Variants in TMEM94 observed in about 807,000 individuals in gnomAD.
TMEM94 encodes the protein transmembrane protein 94.
TMEM94 carries 81 observed loss-of-function variants against 158.6 expected under a neutral mutation model. The observed-to-expected ratio is 0.51, with a 90% CI of 0.43 to 0.61. TMEM94 has a LOEUF of 0.61. Among genes scored for constraint, TMEM94 ranks in the 20% least tolerant of loss-of-function variants. TMEM94 has a pLI of 0.00. For synonymous variants in TMEM94, 751 were observed against 730.7 expected, an observed-to-expected ratio of 1.03 and a Z score of -0.45; for missense variants, 1,435 against 1,762.0, an observed-to-expected ratio of 0.81 and a Z score of 3.32.
chr17:75,495,687 G>A lies in TMEM94; in HGVS notation c.2944+44G>A, dbSNP rs78773582. 40,402 of 1,582,022 alleles carry A rather than the reference G, an allele frequency of 0.026. 614 individuals carry two copies. Among genetic ancestry groups the A allele is most frequent in the Non-Finnish European group, 0.031 (35,766 of 1,153,014 alleles). Reference sequence around the variant, plus strand: ...GGTACTTGGGCAACCTGGTCCCGTCGGCTGAGCTCTGCCTGGGCCTGCGTA... The same window carrying A: ...GGTACTTGGGCAACCTGGTCCCGTCAGCTGAGCTCTGCCTGGGCCTGCGTA... On this transcript the variant is annotated intron_variant, in intron 22 of 31. Transcript: ENST00000314256. The surrounding 1 kb of genome is among the most constrained non-coding windows in gnomAD (Gnocchi z 5.6).
At chr17:75,494,153 C>G (rs1198942289) in intron 18 of TMEM94, among the ~76,000 whole-genome samples, 5 of 152,182 alleles carry the variant, frequency 3.3e-5, no homozygotes, top group Admixed American at 6.5e-5. Flanking sequence ...GGTTGTGATG[C>G]TCAAGTGGGT....
chr17:75,495,488 G>T lies in TMEM94; in HGVS notation c.2845-56G>T. On this transcript the variant is annotated intron_variant, in intron 21 of 31. Coordinates refer to ENST00000314256, the MANE Select transcript of TMEM94 (RefSeq NM_014738.6). The surrounding 1 kb of genome is among the most constrained non-coding windows in gnomAD (Gnocchi z 5.6). ...GTAGAGAGGTGGTGGGCAGGCGGTG[G>T]AGGGGAGGGATGCTGATCCCCATCC... The T allele has an allele frequency of 6.3e-7, 1 of 1,597,584 alleles. No homozygotes were observed. The highest frequency in any genetic ancestry group is 1.1e-5 in the South Asian group (1 of 90,506).
In TMEM94 at chr17:75,491,178, A is replaced by G. The variant is rs779942060; in HGVS notation, c.1233+25A>G. ...GGTGAGGGTGGGCCTTGCGGGGAGG[A>G]GGCAACTGTCATGCCCGCCCTGCTC... On this transcript the variant is annotated intron_variant, in intron 12 of 31. Transcript: ENST00000314256. This position sits in a 1 kb window ranked among gnomAD's most constrained non-coding sequence, Gnocchi z 5.1. The G allele has an allele frequency of 6.3e-7, 1 of 1,596,708 alleles. No homozygotes were observed. The highest frequency in any genetic ancestry group is 8.6e-7 in the Non-Finnish European group (1 of 1,169,158).
At chr17:75,474,833 C>T (rs111869855) in intron 2 of TMEM94, among the ~76,000 whole-genome samples, 3,289 of 152,190 alleles carry the variant, frequency 0.022, 122 homozygotes, top group African/African-American at 0.069. Context: ...TCCTTCAAAG[C>T]CCTCACCCCT....
In TMEM94 at chr17:75,493,100, C is replaced by G. The variant is rs1172364098; in HGVS notation, c.2084C>G (p.Thr695Ser). Residue 695 changes from threonine (T) to serine (S), a missense_variant and splice_region_variant, in exon 16 of 32, where the codon ACC becomes AGC. This residue lies in a region of TMEM94 where 1,051 missense variants were observed against 1,254.4 expected (regional missense o/e 0.84). Coordinates refer to ENST00000314256, the MANE Select transcript of TMEM94 (RefSeq NM_014738.6). ...AGCCTCTTCATTAAAGACACCACCA[C>G]CAGTGAGCCCTGGCTACGTTGGCCA... ...MISLFIKDTT[T>S]STEQMLSHGT... 1 of 1,612,714 alleles carries G rather than the reference C, an allele frequency of 6.2e-7. No homozygotes were observed. The highest frequency in any genetic ancestry group is 8.5e-7 in the Non-Finnish European group (1 of 1,179,710).
At chr17:75,464,235 C>G (rs904167728) in intron 1 of TMEM94, among the ~76,000 whole-genome samples, 1 of 152,144 alleles carries the variant, frequency 6.6e-6, no homozygotes, top group Admixed American at 6.6e-5. Flanking sequence ...TCTAACTCTT[C>G]TGCCTATAAT....
rs1285999654 is a variant in TMEM94, at chr17:75,498,657, C to T, written c.3762C>T (p.Arg1254=). The T allele has an allele frequency of 6.2e-7, 1 of 1,603,660 alleles. No individual in the cohort carries two copies. The highest frequency in any genetic ancestry group is 1.3e-5 in the African/African-American group (1 of 74,676). Residue 1254 remains arginine (R), a synonymous_variant, in exon 30 of 32, where the codon CGC becomes CGT. Transcript: ENST00000314256. The surrounding 1 kb of genome is among the most constrained non-coding windows in gnomAD (Gnocchi z 6.7). ...TVFISITHVH[R]TKPLWRKSPL... ...TCATTTCCATCACCCATGTGCATCG[C>T]ACCAAGCCCCTGTGGAGAAAGAGCC...
In TMEM94 at chr17:75,498,521, T is replaced by C; in HGVS notation, c.3716T>C (p.Leu1239Pro). ...TCGGCTCAGAAGCTCACGGCCGCCC[T>C]GATTGTCCTGCACACTGGTGAGAGG... ...LLSAQKLTAA[L>P]IVLHTVFISI... Residue 1239 changes from leucine to proline, a missense_variant, in exon 29 of 32, where the codon CTG (leucine) becomes CCG (proline). Leu to Pro is a moderately conservative substitution (Grantham distance 98). Around this residue, in one of 3 missense-constraint regions of TMEM94, gnomAD observed 335 missense variants for 409.1 expected, o/e 0.82. Transcript: ENST00000314256. The surrounding 1 kb of genome is among the most constrained non-coding windows in gnomAD (Gnocchi z 6.7). 6.2e-7 allele frequency: 1 copy of C among 1,606,776 alleles called. No individual in the cohort carries two copies. The highest frequency in any genetic ancestry group is 1.3e-5 in the African/African-American group (1 of 74,922).
chr17:75,471,584 G>A (rs1237202675), intron 1 of TMEM94, among the ~76,000 whole-genome samples: 1 of 152,090 alleles, frequency 6.6e-6, no homozygotes, highest in Admixed American at 6.6e-5. Context: ...AGCTGGGCAT[G>A]GTGATGCACG....
At chr17:75,494,314 C>T (rs184430530) in intron 18 of TMEM94, among the ~76,000 whole-genome samples, 29 of 152,318 alleles carry the variant, frequency 1.9e-4, no homozygotes, top group Middle Eastern at 3.4e-3. Flanking sequence ...CCACCAGACA[C>T]GCACACTTCC....
At chr17:75,477,378 G>C (rs3935674) in intron 2 of TMEM94, among the ~76,000 whole-genome samples, 135,089 of 152,076 alleles carry the variant, frequency 0.89, 60,812 homozygotes, top group African/African-American at 0.97. Context: ...GCTTTGTGTC[G>C]CTTCCATACC....
chr17:75,471,234 G>A (rs1179984658), intron 1 of TMEM94, among the ~76,000 whole-genome samples: 36 of 115,916 alleles, frequency 3.1e-4, no homozygotes, highest in Non-Finnish European at 4.4e-4. Flanking sequence ...GTGAGAATCC[G>A]TCTCAAAAAA....
At chr17:75,462,825 TA>T (rs1193690627) in intron 1 of TMEM94, among the ~76,000 whole-genome samples, 1 of 126,696 alleles carries the variant, frequency 7.9e-6, no homozygotes, top group Non-Finnish European at 1.6e-5. Flanking sequence ...ACCTTGTGTC[TA>T]CAAAAAAAAA....
At chr17:75,477,945 G>A (rs2050803820) in intron 2 of TMEM94, among the ~76,000 whole-genome samples, 1 of 149,224 alleles carries the variant, frequency 6.7e-6, no homozygotes. Context: ...AGAGACGGAG[G>A]TTGTGGTGAG....
At position 75,495,335 on chromosome 17, in the gene TMEM94, C is replaced by T. The variant is rs755806504; in HGVS notation, c.2780C>T (p.Ser927Leu). The T allele has an allele frequency of 1.7e-5, 27 of 1,613,690 alleles. No homozygotes were observed. In the Admixed American group the frequency reaches 2.3e-4, roughly 14 times the overall value. ...CTCCTCATGGAGGAGGAGGGCCACT[C>T]GGACCTCATCAGCTTCCAGCCTACG... is the stretch of plus-strand genomic sequence containing the variant. The part of the protein sequence containing the change: ...GLLLMEEEGH[S>L]DLISFQPTDS... Residue 927 changes from serine (S) to leucine (L), a missense_variant, in exon 21 of 32, where the codon TCG (serine) becomes TTG (leucine). Around this residue, in one of 3 missense-constraint regions of TMEM94, gnomAD observed 1,051 missense variants for 1,254.4 expected, o/e 0.84. Transcript: ENST00000314256. This position sits in a 1 kb window ranked among gnomAD's most constrained non-coding sequence, Gnocchi z 5.6.
At chr17:75,464,692 T>G (rs1215746159) in intron 1 of TMEM94, among the ~76,000 whole-genome samples, 1 of 143,346 alleles carries the variant, frequency 7.0e-6, no homozygotes, top group Non-Finnish European at 1.5e-5. Context: ...TCTTTCTTTC[T>G]TTCTTTCTTT....
In TMEM94 at chr17:75,499,710, C is replaced by T. The variant is rs543203558; in HGVS notation, c.*376C>T. On this transcript the variant is annotated 3_prime_UTR_variant, in exon 32 of 32. Transcript: ENST00000314256. ...GCCTCTGCTCGTGGGTCCCTGGACA[C>T]GGCCTTGAAGCCAACCTTCTTTGGA... is the stretch of plus-strand genomic sequence containing the variant. 7.6e-5 allele frequency: 16 copies of T among 210,720 alleles called. No individual in the cohort carries two copies. The East Asian group carries it at 1.1e-3, about 14-fold the overall frequency. The allele number at this position is 210,720 out of a possible 1,614,324, so 13.1% of individuals were successfully genotyped here.
chr17:75,469,089 C>A (rs1022240345), intron 1 of TMEM94, among the ~76,000 whole-genome samples: 4 of 152,084 alleles, frequency 2.6e-5, no homozygotes, highest in Admixed American at 1.3e-4. Flanking sequence ...TTTGTCGGAC[C>A]TGTTGTCAGA....
chr17:75,493,172 C>T (rs1057049016), intron 16 of TMEM94, 70 bp downstream of exon 16: 3 of 1,492,968 alleles, frequency 2.0e-6, no homozygotes, highest in Non-Finnish European at 2.7e-6. Context: ...CTCTGCCCAG[C>T]CCCACCCATT....
Sources: gnomAD v4.1 joint callset for allele counts (sites outside exome capture counted in the v4.1 genomes callset) on GRCh38, gnomAD v4.1.1 for gene constraint, gnomAD v4.1.1 regional missense constraint, Gnocchi (gnomAD v3.1) non-coding constraint, MANE v1.5 for transcripts, NCBI Gene and HGNC (gene_info 2026-07-23, HGNC 2026-07-21) for gene names.